The following ATP5MC2 variants were observed in gnomAD, a reference collection of about 807,000 sequenced individuals.
ATP5MC2 encodes ATP synthase F(0) complex subunit C2, mitochondrial.
In ATP5MC2, 11 loss-of-function variants were observed where a neutral mutation model predicts 13.5. That is an observed-to-expected ratio of 0.81 (90% CI 0.51 to 1.35). The LOEUF is 1.35. Ranked by LOEUF, ATP5MC2 falls within the 40% of genes most tolerant of loss-of-function variation. ATP5MC2 has a pLI of 0.00. For missense variants in ATP5MC2, 132 were observed against 175.0 expected (o/e 0.75, Z 1.39); for synonymous variants, 64 against 69.7 (o/e 0.92, Z 0.41).
At chr12:53,681,392 G>C (rs1206295045), upstream of ATP5MC2, among the ~76,000 whole-genome samples, 1 of 150,734 alleles carries the variant, frequency 6.6e-6, no homozygotes. Context: ...TGGGCATGGT[G>C]GTGGGCACCT....
chr12:53,676,074 C>T lies in ATP5MC2; in HGVS notation c.-53G>A. ...TTACCTGCTCCCACTGCAGAGAAGA[C>T]AGAGAGGGGCGGAGCAGCGGGAAGA... On this transcript the variant is annotated 5_prime_UTR_variant, in exon 1 of 5. Coordinates refer to ENST00000394349, the MANE Select transcript of ATP5MC2 (RefSeq NM_005176.7). 6.2e-7 allele frequency: 1 copy of T among 1,614,180 alleles called. No homozygotes were observed. Among genetic ancestry groups the T allele is most frequent in the Non-Finnish European group, 8.5e-7 (1 of 1,180,024 alleles).
chr12:53,669,288 G>C lies in ATP5MC2; in HGVS notation c.171C>G (p.Arg57=), dbSNP rs1945022974. Residue 57 remains arginine, a synonymous_variant, in exon 4 of 5, where the codon CGC becomes CGG. Coordinates refer to ENST00000394349, the MANE Select transcript of ATP5MC2 (RefSeq NM_005176.7). The part of the protein sequence containing the change: ...SCPLTSLVSS[R]SFQTSAISRD... ...TTGAAATGGCGCTGGTTTGGAAGCTGCGGCTAGAGACAAGTGAGGTAAGGG... is the reference window on the plus strand; with the variant it reads ...TTGAAATGGCGCTGGTTTGGAAGCTCCGGCTAGAGACAAGTGAGGTAAGGG... 1 of 1,614,148 alleles carries C rather than the reference G, an allele frequency of 6.2e-7. No individual in the cohort carries two copies. Among genetic ancestry groups the C allele is most frequent in the Non-Finnish European group, 8.5e-7 (1 of 1,180,024 alleles).
At chr12:53,672,526 G>A (rs368520944) in intron 2 of ATP5MC2, 50 bp downstream of exon 2, 227 of 1,505,912 alleles carry the variant, frequency 1.5e-4, no homozygotes, top group Middle Eastern at 2.1e-4. Context: ...TGGAAAGAGA[G>A]AGACAAGATG....
chr12:53,671,022 T>C (rs965816093), intron 2 of ATP5MC2, among the ~76,000 whole-genome samples: 2 of 152,062 alleles, frequency 1.3e-5, no homozygotes, highest in Admixed American at 1.3e-4. Context: ...GTATGGGTAA[T>C]GGTCAGCCCA....
intron 3 of ATP5MC2, 113 bp from the exon 4 acceptor site, chr12:53,669,454 T>C: frequency 6.9e-7 from 1 of 1,443,520 alleles, no homozygotes; most frequent in Admixed American, 2.8e-5. Flanking sequence ...CAGAAAATTG[T>C]TTAACGCCCT....
chr12:53,679,238 C>T (rs980751870), upstream of ATP5MC2, among the ~76,000 whole-genome samples: 2 of 127,684 alleles, frequency 1.6e-5, no homozygotes, highest in African/African-American at 3.3e-5. Flanking sequence ...ATTTTAAAAA[C>T]GAGAGAGAGA....
chr12:53,670,384 C>T, intron 2 of ATP5MC2: 1 of 336,858 alleles, frequency 3.0e-6, no homozygotes, highest in Non-Finnish European at 5.8e-6. Context: ...TACCAAACAC[C>T]ATAGTCTGGC....
Position 53,665,883 on chromosome 12 carries a change from C to G in ATP5MC2, c.312-455G>C, listed in dbSNP as rs190894992. ...AACGGCTTGGTCTCCCCTTTATTCT[C>G]TAAGACAGTCTCTGGGGCATAACCT... On this transcript the variant is annotated intron_variant, in intron 4 of 4. Transcript: ENST00000394349. 3.3e-5 allele frequency among the ~76,000 whole-genome samples: 5 copies of G among 152,338 alleles called. No individual in the cohort carries two copies. The East Asian group carries it at 7.7e-4, about 23-fold the overall frequency.
Position 53,676,033 on chromosome 12 carries a change from T to A in ATP5MC2, c.-32+20A>T, listed in dbSNP as rs139606009. ...CGCGCGTGCGCAGCGCACAGAGGGCTCTAGGTCCCAAGGCCTTACCTGCTC... is the reference window on the plus strand; with the variant it reads ...CGCGCGTGCGCAGCGCACAGAGGGCACTAGGTCCCAAGGCCTTACCTGCTC... On this transcript the variant is annotated intron_variant, in intron 1 of 4. Transcript: ENST00000394349. 6.2e-7 allele frequency: 1 copy of A among 1,611,844 alleles called. No individual in the cohort carries two copies. The highest frequency in any genetic ancestry group is 8.5e-7 in the Non-Finnish European group (1 of 1,179,332).
chr12:53,670,368 C>T (rs1945059904), intron 2 of ATP5MC2: 3 of 342,072 alleles, frequency 8.8e-6, no homozygotes, highest in South Asian at 6.9e-5. Flanking sequence ...TTTAATACTG[C>T]TAACCTACCA....
upstream of ATP5MC2, among the ~76,000 whole-genome samples, chr12:53,680,394 T>C (rs138971033): frequency 6.6e-6 from 1 of 152,188 alleles, no homozygotes; most frequent in East Asian, 1.9e-4. Flanking sequence ...AAATTTAAAA[T>C]CAGTAAGAAA....
At chr12:53,674,318 G>C (rs1945201587) in intron 1 of ATP5MC2, among the ~76,000 whole-genome samples, 1 of 152,138 alleles carries the variant, frequency 6.6e-6, no homozygotes, top group Non-Finnish European at 1.5e-5. Flanking sequence ...GTCCAGTATG[G>C]GCAACAACGT....
intron 3 of ATP5MC2, among the ~76,000 whole-genome samples, 189 bp from the exon 4 acceptor site, chr12:53,669,530 G>A (rs919699214): frequency 1.3e-4 from 20 of 152,182 alleles, no homozygotes; most frequent in Admixed American, 1.0e-3. Context: ...AGATTCAGGT[G>A]TGGTCAAGAA....
chr12:53,677,649 C>T (rs1418723339), upstream of ATP5MC2, among the ~76,000 whole-genome samples: 4 of 152,202 alleles, frequency 2.6e-5, no homozygotes, highest in Non-Finnish European at 2.9e-5. Context: ...TTTCCAGCTC[C>T]ATCAGGATTC....
At chr12:53,672,188 C>A (rs1945119320) in intron 2 of ATP5MC2, among the ~76,000 whole-genome samples, 1 of 151,014 alleles carries the variant, frequency 6.6e-6, no homozygotes, top group Non-Finnish European at 1.5e-5. Context: ...TAGCAGAGGG[C>A]CTTCCCTCCC....
chr12:53,666,959 AAAG>A (rs1426720921), intron 4 of ATP5MC2, among the ~76,000 whole-genome samples: 1 of 150,890 alleles, frequency 6.6e-6, no homozygotes, highest in Non-Finnish European at 1.5e-5. Flanking sequence ...AAAAAAAAAA[AAAG>A]AAGTTACAAA....
At chr12:53,681,204 C>T (rs1243944436), upstream of ATP5MC2, among the ~76,000 whole-genome samples, 1 of 151,448 alleles carries the variant, frequency 6.6e-6, no homozygotes, top group East Asian at 1.9e-4. Flanking sequence ...CTGTATGCAA[C>T]AGCACGCCCT....
chr12:53,667,311 G>A (rs1023121071), intron 4 of ATP5MC2, among the ~76,000 whole-genome samples: 3 of 152,148 alleles, frequency 2.0e-5, no homozygotes, highest in African/African-American at 7.2e-5. Context: ...AGTTTTCCCA[G>A]GAGTGACAGA....
chr12:53,679,089 C>T (rs1292195203), upstream of ATP5MC2, among the ~76,000 whole-genome samples: 1 of 152,122 alleles, frequency 6.6e-6, no homozygotes, highest in African/African-American at 2.4e-5. Flanking sequence ...GTGTCCTTTT[C>T]TACAAAGGTC....
Sources: gnomAD v4.1 joint callset for allele counts (sites outside exome capture counted in the v4.1 genomes callset) on GRCh38, gnomAD v4.1.1 for gene constraint, MANE v1.5 for transcripts, NCBI Gene and HGNC (gene_info 2026-07-23, HGNC 2026-07-21) for gene names.